The following DPYD variants were observed in gnomAD, a reference collection of about 807,000 sequenced individuals.
DPYD encodes the protein dihydropyrimidine dehydrogenase.
DPYD carries 109 observed loss-of-function variants against 116.2 expected under a neutral mutation model. That is an observed-to-expected ratio of 0.94 (90% CI 0.80 to 1.10). The LOEUF is 1.10. Among genes scored for constraint, DPYD ranks in the 50% least tolerant of loss-of-function variants. The pLI is 0.00. For missense variants in DPYD, 1,302 were observed against 1,254.5 expected, an observed-to-expected ratio of 1.04 and a Z score of -0.57; for synonymous variants, 440 against 432.0, an observed-to-expected ratio of 1.02 and a Z score of -0.23.
intron 8 of DPYD, among the ~76,000 whole-genome samples, chr1:97,675,830 C>T (rs1037439692): frequency 5.4e-5 from 8 of 149,278 alleles, no homozygotes; most frequent in Non-Finnish European, 8.9e-5. Context: ...CTCACTGCAA[C>T]CTCCACCTCC....
chr1:97,279,960 C>T (rs1665198864), intron 18 of DPYD: 2 of 152,250 alleles, frequency 1.3e-5, no homozygotes, highest in South Asian at 4.1e-4. Context: ...TACAGAAAGG[C>T]ACATTGCTTT....
chr1:97,802,952 T>TA (rs1296813443), intron 3 of DPYD, among the ~76,000 whole-genome samples: 1 of 151,926 alleles, frequency 6.6e-6, no homozygotes, highest in Non-Finnish European at 1.5e-5. Flanking sequence ...AAAAAACTGA[T>TA]ACAGGCAAAG....
intron 8 of DPYD, among the ~76,000 whole-genome samples, chr1:97,639,904 T>C (rs1245497322): frequency 1.3e-5 from 2 of 152,184 alleles, no homozygotes; most frequent in East Asian, 3.9e-4. Context: ...CAAGACAACA[T>C]GGTTTCTGAG....
At chr1:97,123,083 C>T (rs1304912036) in intron 20 of DPYD, among the ~76,000 whole-genome samples, 13 of 152,060 alleles carry the variant, frequency 8.5e-5, no homozygotes, top group African/African-American at 1.2e-4. Flanking sequence ...AATAGTAAAA[C>T]ATGATGCTGA....
chr1:97,446,557 C>T (rs1401277175), intron 14 of DPYD, among the ~76,000 whole-genome samples: 1 of 152,108 alleles, frequency 6.6e-6, no homozygotes, highest in African/African-American at 2.4e-5. Context: ...ATTTACATAT[C>T]AATTGTTCTT....
intron 18 of DPYD, among the ~76,000 whole-genome samples, chr1:97,257,452 T>TATATAGAGAGAG (rs375490078): frequency 4.9e-4 from 62 of 126,464 alleles, no homozygotes; most frequent in East Asian, 1.5e-3. Context: ...TATATATATA[T>TATATAGAGAGAG]AGAGAGAGAG....
At chr1:97,889,532 C>T (rs765718686) in intron 1 of DPYD, among the ~76,000 whole-genome samples, 9 of 151,936 alleles carry the variant, frequency 5.9e-5, no homozygotes, top group Non-Finnish European at 1.2e-4. Context: ...TAAAGAGGAA[C>T]ATTTTATCAT....
chr1:97,774,757 C>G, intron 3 of DPYD: 2 of 181,248 alleles, frequency 1.1e-5, no homozygotes, highest in Non-Finnish European at 2.5e-5. Flanking sequence ...GAAACAGCAC[C>G]TAAATTGAAC....
chr1:97,086,021 T>C (rs541498479), intron 21 of DPYD, among the ~76,000 whole-genome samples: 1 of 152,296 alleles, frequency 6.6e-6, no homozygotes, highest in Non-Finnish European at 1.5e-5. Context: ...ATTTATTACT[T>C]GTTTGAGATA....
intron 12 of DPYD, among the ~76,000 whole-genome samples, chr1:97,519,076 TA>T (rs1648451322): frequency 1.3e-5 from 2 of 152,190 alleles, no homozygotes; most frequent in Admixed American, 1.3e-4. Flanking sequence ...ATATTTTCAA[TA>T]ATAAATACAA....
chr1:97,670,655 T>TGGC (rs1238527959), intron 8 of DPYD, among the ~76,000 whole-genome samples: 1 of 152,140 alleles, frequency 6.6e-6, no homozygotes, highest in Non-Finnish European at 1.5e-5. Flanking sequence ...CCAGCAAGAC[T>TGGC]AAGATAATAC....
intron 16 of DPYD, among the ~76,000 whole-genome samples, chr1:97,321,305 A>G: frequency 1.9e-5 from 1 of 53,616 alleles, no homozygotes; most frequent in Non-Finnish European, 4.2e-5. Flanking sequence ...GCAACCTACA[A>G]CATGGGAGAA....
At chr1:97,303,177 A>T (rs574007949) in intron 18 of DPYD, among the ~76,000 whole-genome samples, 8 of 152,014 alleles carry the variant, frequency 5.3e-5, no homozygotes, top group Non-Finnish European at 1.2e-4. Flanking sequence ...GAATATATTG[A>T]AAGGGGAAAA....
intron 19 of DPYD, among the ~76,000 whole-genome samples, chr1:97,202,559 C>T (rs138146912): frequency 6.6e-6 from 1 of 152,262 alleles, no homozygotes; most frequent in East Asian, 1.9e-4. Context: ...ATCAATTCTC[C>T]AAGTATTTTC....
At chr1:97,724,187 T>C (rs1476510949) in intron 4 of DPYD, among the ~76,000 whole-genome samples, 5 of 151,598 alleles carry the variant, frequency 3.3e-5, no homozygotes, top group African/African-American at 1.2e-4. Context: ...CATCTCACTT[T>C]ATGGTGAAAA....
intron 1 of DPYD, among the ~76,000 whole-genome samples, chr1:97,917,691 T>C (rs1028034705): frequency 1.3e-5 from 2 of 152,210 alleles, no homozygotes; most frequent in African/African-American, 4.8e-5. Flanking sequence ...ATTGTGACTG[T>C]GGTAGCAGTA....
At chr1:97,560,568 A>T (rs1249518470) in intron 11 of DPYD, among the ~76,000 whole-genome samples, 1 of 152,250 alleles carries the variant, frequency 6.6e-6, no homozygotes, top group Middle Eastern at 3.4e-3. Flanking sequence ...CAAAAAAAAA[A>T]AAAAAAAATT....
intron 19 of DPYD, among the ~76,000 whole-genome samples, chr1:97,233,724 G>A (rs4412640): frequency 1.3e-5 from 2 of 151,766 alleles, no homozygotes; most frequent in African/African-American, 2.4e-5. Flanking sequence ...GAAAAAAATC[G>A]CAGGAAACTC....
At chr1:97,693,556 C>T (rs1264998765) in intron 6 of DPYD, among the ~76,000 whole-genome samples, 1 of 152,046 alleles carries the variant, frequency 6.6e-6, no homozygotes, top group Admixed American at 6.6e-5. Context: ...TAGAAAGATT[C>T]TTAACAACTA....
Sources: allele counts gnomAD v4.1 joint callset (sites outside exome capture counted in the v4.1 genomes callset), GRCh38; gene constraint gnomAD v4.1.1; transcripts MANE v1.5; gene names NCBI Gene and HGNC (gene_info 2026-07-23, HGNC 2026-07-21).